ERC2: variants seen among roughly 807,000 people sequenced by gnomAD.
ERC2 encodes the protein ERC protein 2.
ERC2 carries 42 observed loss-of-function variants against 114.8 expected under a neutral mutation model. That is an observed-to-expected ratio of 0.37 (90% CI 0.29 to 0.47). The LOEUF is 0.47. ERC2 is among the 20% of genes least tolerant of loss of function. The pLI, the probability that ERC2 is intolerant of heterozygous loss-of-function variation, is 0.99. For synonymous variants in ERC2, 454 were observed against 425.5 expected (o/e 1.07, Z -0.82); for missense variants, 939 against 1,150.7 (o/e 0.82, Z 2.66).
At chr3:56,126,372 T>C (rs2079863873) in intron 6 of ERC2, among the ~76,000 whole-genome samples, 1 of 152,208 alleles carries the variant, frequency 6.6e-6, no homozygotes, top group Non-Finnish European at 1.5e-5. Flanking sequence ...TTTAAATAGA[T>C]GCACAAAAAG....
chr3:56,101,744 T>C (rs1441327544), intron 6 of ERC2, among the ~76,000 whole-genome samples: 6 of 152,070 alleles, frequency 3.9e-5, no homozygotes, highest in Admixed American at 1.3e-4. Flanking sequence ...GTCCCTATAA[T>C]ATAGAGGAAG....
At chr3:55,560,635 G>T (rs775384065) in intron 17 of ERC2, among the ~76,000 whole-genome samples, 1 of 152,188 alleles carries the variant, frequency 6.6e-6, no homozygotes, top group African/African-American at 2.4e-5. Context: ...ACCACACTCC[G>T]TGTCCACATG....
chr3:55,612,530 T>C (rs536197330), intron 17 of ERC2, among the ~76,000 whole-genome samples: 61 of 152,330 alleles, frequency 4.0e-4, no homozygotes, highest in African/African-American at 1.2e-3. Context: ...CAAGTACTTA[T>C]TCAGCAGGTC....
chr3:55,925,757 C>G (rs1403381173), intron 13 of ERC2, among the ~76,000 whole-genome samples: 5 of 152,190 alleles, frequency 3.3e-5, no homozygotes. Flanking sequence ...ATCATAATTA[C>G]AGACGCATAA....
intron 6 of ERC2, among the ~76,000 whole-genome samples, chr3:56,105,527 G>A (rs1324552870): frequency 6.6e-6 from 1 of 151,942 alleles, no homozygotes; most frequent in African/African-American, 2.4e-5. Flanking sequence ...CATTGCCCAG[G>A]CTGGTCTTGA....
intron 15 of ERC2, among the ~76,000 whole-genome samples, chr3:55,721,957 G>A (rs1559550227): frequency 1.3e-5 from 2 of 152,186 alleles, no homozygotes; most frequent in African/African-American, 4.8e-5. Context: ...GAGGAAATAA[G>A]CCAGCTGCAA....
At chr3:56,368,709 C>T (rs944376366) in intron 2 of ERC2, among the ~76,000 whole-genome samples, 7 of 152,048 alleles carry the variant, frequency 4.6e-5, no homozygotes, top group Admixed American at 3.3e-4. Flanking sequence ...CAAAATATTA[C>T]AACGGAATCA....
chr3:56,029,362 T>C (rs1405074983), intron 7 of ERC2, among the ~76,000 whole-genome samples: 1 of 151,998 alleles, frequency 6.6e-6, no homozygotes, highest in Non-Finnish European at 1.5e-5. Context: ...AGTAGGAAAG[T>C]GTTCCCTCTC....
At chr3:56,431,948 C>T (rs2061810532) in intron 2 of ERC2, among the ~76,000 whole-genome samples, 2 of 152,278 alleles carry the variant, frequency 1.3e-5, no homozygotes, top group South Asian at 4.1e-4. Context: ...AATGGAAGTG[C>T]CCTCAAGCAT....
At chr3:55,832,458 G>C (rs955753858) in intron 14 of ERC2, among the ~76,000 whole-genome samples, 5 of 152,198 alleles carry the variant, frequency 3.3e-5, no homozygotes, top group Non-Finnish European at 5.9e-5. Context: ...ACGAAAATCC[G>C]CTGTTCTGCA....
chr3:55,653,809 G>A (rs2060745447), intron 17 of ERC2, among the ~76,000 whole-genome samples: 1 of 152,172 alleles, frequency 6.6e-6, no homozygotes, highest in African/African-American at 2.4e-5. Context: ...AGTCACTATT[G>A]GTGCGCTCTC....
chr3:56,305,234 T>A (rs955550574), intron 2 of ERC2, among the ~76,000 whole-genome samples: 29 of 151,958 alleles, frequency 1.9e-4, no homozygotes, highest in African/African-American at 6.5e-4. Flanking sequence ...ATAAACAGAA[T>A]GAAAAAACAA....
intron 2 of ERC2, among the ~76,000 whole-genome samples, chr3:56,429,447 A>G (rs1279002652): frequency 6.6e-6 from 1 of 152,192 alleles, no homozygotes; most frequent in Non-Finnish European, 1.5e-5. Flanking sequence ...TGGCATTCCA[A>G]AGAATCAGCT....
chr3:55,647,771 C>T (rs968999124), intron 17 of ERC2, among the ~76,000 whole-genome samples: 1 of 152,178 alleles, frequency 6.6e-6, no homozygotes, highest in African/African-American at 2.4e-5. Context: ...GATCTAGGCC[C>T]ATCTTTCTTC....
intron 14 of ERC2, among the ~76,000 whole-genome samples, chr3:55,746,241 A>AT (rs373952560): frequency 1.1e-4 from 17 of 148,380 alleles, no homozygotes; most frequent in South Asian, 4.3e-4. Flanking sequence ...TGTGGAGTGG[A>AT]TTTTTTTTTT....
At chr3:56,111,373 C>T (rs1253140573) in intron 6 of ERC2, among the ~76,000 whole-genome samples, 2 of 151,540 alleles carry the variant, frequency 1.3e-5, no homozygotes, top group Non-Finnish European at 1.5e-5. Flanking sequence ...CAATCTCTCC[C>T]TCTCTCTCCC....
Position 55,866,910 on chromosome 3 carries a change from C to T in ERC2, c.2564+21479G>A, listed in dbSNP as rs190531679. On this transcript the variant is annotated intron_variant, in intron 14 of 17. Transcript: ENST00000288221. ...AATTCCCCCAAAATTGATTTTACAT[C>T]GTCTTGGATATCTTTTATGATATAA... 2.5e-3 allele frequency among the ~76,000 whole-genome samples: 372 copies of T among 151,814 alleles called. 2 individuals carry two copies. The highest frequency in any genetic ancestry group is 7.6e-3 in the Admixed American group (116 of 15,254).
At chr3:56,220,862 G>A (rs568913113) in intron 3 of ERC2, among the ~76,000 whole-genome samples, 69 of 152,116 alleles carry the variant, frequency 4.5e-4, no homozygotes, top group African/African-American at 1.5e-3. Context: ...TCTTAAGGTC[G>A]AGAATCCTCT....
intron 3 of ERC2, among the ~76,000 whole-genome samples, chr3:56,271,188 C>A (rs1359534105): frequency 2.0e-5 from 3 of 152,190 alleles, no homozygotes; most frequent in Non-Finnish European, 4.4e-5. Context: ...GCACCCTAGT[C>A]CTCTAGGGTG....
Sources: gnomAD v4.1 joint callset for allele counts (sites outside exome capture counted in the v4.1 genomes callset) on GRCh38, gnomAD v4.1.1 for gene constraint, MANE v1.5 for transcripts, NCBI Gene and HGNC (gene_info 2026-07-23, HGNC 2026-07-21) for gene names.